The following SLC7A7 variants were observed in gnomAD, a reference collection of about 807,000 sequenced individuals.
SLC7A7 encodes Y+L amino acid transporter 1.
In SLC7A7, 39 loss-of-function variants were observed where a neutral mutation model predicts 47.9. The observed-to-expected ratio is 0.81, with a 90% CI of 0.63 to 1.06. The LOEUF (loss-of-function observed/expected upper bound fraction) is 1.06. SLC7A7 is among the 50% of genes least tolerant of loss of function. The pLI is 0.00. For synonymous variants in SLC7A7, 234 were observed against 242.8 expected (o/e 0.96, Z 0.34); for missense variants, 588 against 632.0 (o/e 0.93, Z 0.75).
chr14:22,792,528 G>C (rs1485223409), intron 2 of SLC7A7, among the ~76,000 whole-genome samples: 1 of 152,028 alleles, frequency 6.6e-6, no homozygotes, highest in Non-Finnish European at 1.5e-5. Context: ...ACCAGCCTGG[G>C]CAACAAAGCA....
At chr14:22,773,809 C>G in intron 9 of SLC7A7, 93 bp from the exon 10 acceptor site, 2 of 1,535,972 alleles carry the variant, frequency 1.3e-6, no homozygotes, top group East Asian at 2.2e-5. Flanking sequence ...GGGAGTGATT[C>G]CACTAAGCCG....
At chr14:22,788,663 C>G (rs2038868142) in intron 2 of SLC7A7, among the ~76,000 whole-genome samples, 1 of 150,356 alleles carries the variant, frequency 6.7e-6, no homozygotes, top group Admixed American at 6.6e-5. Context: ...AAGATCCTAC[C>G]ACTGCACTCC....
intron 2 of SLC7A7, among the ~76,000 whole-genome samples, chr14:22,802,920 T>A (rs375229227): frequency 8.6e-5 from 13 of 151,920 alleles, no homozygotes; most frequent in Non-Finnish European, 1.3e-4. Flanking sequence ...ATTTTTTTCA[T>A]CTTGTGCCTT....
intron 2 of SLC7A7, among the ~76,000 whole-genome samples, chr14:22,799,776 A>G (rs576656835): frequency 1.2e-4 from 18 of 152,118 alleles, no homozygotes; most frequent in South Asian, 4.1e-4. Flanking sequence ...TTCAATAACC[A>G]TATATACAAT....
Position 22,795,408 on chromosome 14 carries a change from TTC to T in SLC7A7, c.500-15359_500-15358del, listed in dbSNP as rs1475414638. ...TTGCTTTCTTTCTTTCTTTCTTTCT[TTC>T]TTTCTTTCTTTCTTTCTTTCTTTCT... On this transcript the variant is annotated intron_variant, in intron 2 of 9. Transcript: ENST00000674313. Among the ~76,000 whole-genome samples, 329 of 112,298 alleles carry T rather than the reference TTC, an allele frequency of 2.9e-3. 4 individuals carry two copies. Among genetic ancestry groups the T allele is most frequent in the Non-Finnish European group, 4.1e-3 (232 of 56,238 alleles). 73.7% of individuals were successfully genotyped at this position (112,298 alleles called of 152,430 possible). A position where few individuals can be genotyped will look rare whatever the true frequency, so the allele number is the denominator to read the frequency against.
chr14:22,809,125 A>G (rs1220769461), intron 2 of SLC7A7, among the ~76,000 whole-genome samples: 1 of 152,226 alleles, frequency 6.6e-6, no homozygotes, highest in African/African-American at 2.4e-5. Context: ...TACTCACTGA[A>G]GAGCTCTGCA....
chr14:22,809,281 C>G (rs886134008), intron 2 of SLC7A7, among the ~76,000 whole-genome samples: 5 of 151,764 alleles, frequency 3.3e-5, no homozygotes, highest in African/African-American at 4.8e-5. Context: ...CGGGTTCAAG[C>G]GTTCCTCCTG....
At chr14:22,776,084 A>G in intron 5 of SLC7A7, 111 bp downstream of exon 5, 1 of 1,519,062 alleles carries the variant, frequency 6.6e-7, no homozygotes, top group Non-Finnish European at 9.1e-7. Context: ...CCGGTATTCT[A>G]AATGAACTCC....
At chr14:22,778,029 C>G (rs12882521) in intron 4 of SLC7A7, among the ~76,000 whole-genome samples, 36,422 of 152,012 alleles carry the variant, frequency 0.24, 4,507 homozygotes, top group African/African-American at 0.29. Flanking sequence ...GAGCCAAGAT[C>G]ACGCCATTGC....
chr14:22,775,760 G>A, intron 6 of SLC7A7, 73 bp downstream of exon 6: 1 of 1,134,524 alleles, frequency 8.8e-7, no homozygotes, highest in Non-Finnish European at 1.3e-6. Context: ...GTAATCAAAG[G>A]CTGGGTCCTG....
chr14:22,785,783 G>A (rs537924604), intron 2 of SLC7A7, among the ~76,000 whole-genome samples: 2 of 150,428 alleles, frequency 1.3e-5, no homozygotes, highest in South Asian at 4.2e-4. Context: ...AGCACTTTGG[G>A]AAGCTGAGGC....
intron 2 of SLC7A7, chr14:22,780,489 TCTG>T (rs1403031676): frequency 5.1e-6 from 1 of 194,408 alleles, no homozygotes; most frequent in Non-Finnish European, 1.1e-5. Flanking sequence ...CTTGAGGAGT[TCTG>T]CTGTGACTTA....
At chr14:22,779,536 C>A (rs929761492) in intron 3 of SLC7A7, among the ~76,000 whole-genome samples, 2 of 151,826 alleles carry the variant, frequency 1.3e-5, no homozygotes, top group Non-Finnish European at 2.9e-5. Context: ...CTCACTGCAA[C>A]CACCGCCTCC....
At position 22,789,727 on chromosome 14, in the gene SLC7A7, A is replaced by G. The variant is rs1430064416; in HGVS notation, c.500-9676T>C. The stretch of plus-strand genomic sequence containing the variant: ...ATTCTGTATTCTCTGGGTGGGCCCA[A>G]TGTAATCACAAAAGTTCTTAAAGAT... On this transcript the variant is annotated intron_variant, in intron 2 of 9. Transcript: ENST00000674313. 3.3e-5 allele frequency among the ~76,000 whole-genome samples: 5 copies of G among 152,264 alleles called. No individual in the cohort carries two copies. In the East Asian group the frequency reaches 9.6e-4, roughly 29 times the overall value.
intron 2 of SLC7A7, among the ~76,000 whole-genome samples, chr14:22,788,613 A>G (rs1163465224): frequency 6.6e-6 from 1 of 151,230 alleles, no homozygotes; most frequent in Non-Finnish European, 1.5e-5. Flanking sequence ...CTGAGGCAGG[A>G]GAATCGCTTG....
intron 4 of SLC7A7, 39 bp downstream of exon 4, chr14:22,778,754 G>A (rs754531040): frequency 3.1e-6 from 5 of 1,605,544 alleles, no homozygotes; most frequent in Admixed American, 1.7e-5. Context: ...TTAAATGATG[G>A]CTATCACTGC....
chr14:22,798,306 A>G (rs1594969077), intron 2 of SLC7A7, among the ~76,000 whole-genome samples: 2 of 100,074 alleles, frequency 2.0e-5, no homozygotes, highest in African/African-American at 8.4e-5. Context: ...AAAAAAAAAG[A>G]AGAAGAAGAA....
At chr14:22,784,600 G>A (rs1002465975) in intron 2 of SLC7A7, among the ~76,000 whole-genome samples, 1 of 151,102 alleles carries the variant, frequency 6.6e-6, no homozygotes, top group Non-Finnish European at 1.5e-5. Flanking sequence ...CCTGGTGACA[G>A]AGCAAGACTC....
At chr14:22,791,231 T>C (rs2038919210) in intron 2 of SLC7A7, among the ~76,000 whole-genome samples, 1 of 152,172 alleles carries the variant, frequency 6.6e-6, no homozygotes, top group African/African-American at 2.4e-5. Flanking sequence ...AGCCTTATTA[T>C]ACACATCTCT....
Sources: allele counts gnomAD v4.1 joint callset (sites outside exome capture counted in the v4.1 genomes callset), GRCh38; gene constraint gnomAD v4.1.1; transcripts MANE v1.5; gene names NCBI Gene and HGNC (gene_info 2026-07-23, HGNC 2026-07-21).